Variants in HDHD2 observed in about 807,000 individuals in gnomAD.
The protein encoded by HDHD2 is haloacid dehalogenase-like hydrolase domain-containing protein 2.
Under a neutral mutation model 24.8 loss-of-function variants are expected in HDHD2, and 26 were observed. The observed-to-expected ratio is 1.05, with a 90% CI of 0.77 to 1.45. HDHD2 has a LOEUF of 1.45. Ranked by LOEUF, HDHD2 falls within the 40% of genes most tolerant of loss-of-function variation. The probability of loss-of-function intolerance (pLI) is 0.00; values close to 1 mark genes in which losing one functional copy is unlikely to be tolerated. For missense variants in HDHD2, 299 were observed against 313.4 expected (o/e 0.95, Z 0.35); for synonymous variants, 128 against 114.9 (o/e 1.11, Z -0.73).
intron 4 of HDHD2, among the ~76,000 whole-genome samples, chr18:47,119,351 G>A (rs1481168032): frequency 2.0e-5 from 3 of 152,216 alleles, no homozygotes; most frequent in Admixed American, 6.5e-5. Context: ...CCCTTCTGCT[G>A]CTTTATCAGT....
chr18:47,136,507 A>G, intron 1 of HDHD2, 58 bp from the exon 2 acceptor site: 1 of 1,399,218 alleles, frequency 7.1e-7, no homozygotes, highest in Non-Finnish European at 9.9e-7. Flanking sequence ...ACAATTAAAA[A>G]CTGGTAAGTA....
At chr18:47,128,346 T>C (rs754556253) in intron 4 of HDHD2, among the ~76,000 whole-genome samples, 15 of 152,228 alleles carry the variant, frequency 9.9e-5, no homozygotes, top group South Asian at 2.1e-4. Context: ...ATCTTCTCCT[T>C]GAATTCTGTG....
intron 4 of HDHD2, among the ~76,000 whole-genome samples, chr18:47,121,839 C>T (rs1396914020): frequency 6.6e-6 from 1 of 152,188 alleles, no homozygotes; most frequent in Non-Finnish European, 1.5e-5. Context: ...TATGGTGCCC[C>T]CTCCTCCTGA....
chr18:47,110,008 C>T, intron 6 of HDHD2: 3 of 985,382 alleles, frequency 3.0e-6, no homozygotes, highest in Non-Finnish European at 3.6e-6. Flanking sequence ...GCAGCTCCTG[C>T]CCTGTAGCCA....
At chr18:47,144,389 T>C (rs919686773) in intron 1 of HDHD2, among the ~76,000 whole-genome samples, 1 of 152,154 alleles carries the variant, frequency 6.6e-6, no homozygotes, top group African/African-American at 2.4e-5. Context: ...CTCAGTTGAC[T>C]ACAAGAAAAT....
intron 4 of HDHD2, among the ~76,000 whole-genome samples, chr18:47,127,641 T>C (rs2063671730): frequency 6.6e-6 from 1 of 150,906 alleles, no homozygotes. Flanking sequence ...TTGGGTTTTT[T>C]TGTTTTTCGA....
At chr18:47,134,358 G>A (rs1413988306) in intron 3 of HDHD2, 138 bp downstream of exon 3, 1 of 695,276 alleles carries the variant, frequency 1.4e-6, no homozygotes, top group Admixed American at 2.9e-5. Context: ...TGCCAATTTA[G>A]ATTCAAAATA....
chr18:47,136,641 G>A (rs966280910), intron 1 of HDHD2, among the ~76,000 whole-genome samples, 192 bp from the exon 2 acceptor site: 1 of 145,098 alleles, frequency 6.9e-6, no homozygotes, highest in African/African-American at 2.6e-5. Flanking sequence ...ACAATACTTA[G>A]GTTTTTTTTT....
intron 6 of HDHD2, chr18:47,110,319 T>A: frequency 2.0e-6 from 2 of 985,218 alleles, no homozygotes; most frequent in Non-Finnish European, 2.4e-6. Context: ...AATATATACC[T>A]CACTCTCGTT....
intron 1 of HDHD2, among the ~76,000 whole-genome samples, chr18:47,148,680 C>A (rs2063898531): frequency 6.6e-6 from 1 of 152,202 alleles, no homozygotes. Context: ...AATCCAGACA[C>A]CAAATTATGT....
chr18:47,125,690 A>G (rs1268344653), intron 4 of HDHD2, among the ~76,000 whole-genome samples: 1 of 152,234 alleles, frequency 6.6e-6, no homozygotes, highest in African/African-American at 2.4e-5. Context: ...AGAAATGGCA[A>G]TAATTATAGA....
intron 6 of HDHD2, 64 bp downstream of exon 6, chr18:47,112,913 T>G (rs1190947107): frequency 1.5e-6 from 2 of 1,356,050 alleles, no homozygotes; most frequent in Admixed American, 3.4e-5. Context: ...CAAAGATTGT[T>G]CTTTAAGCAA....
At position 47,108,311 on chromosome 18, in the gene HDHD2, C is replaced by T. The variant is rs1359362484; in HGVS notation, c.*371G>A. 1.7e-5 allele frequency: 3 copies of T among 172,662 alleles called. No homozygotes were observed. The highest frequency in any genetic ancestry group is 4.0e-4 in the South Asian group (2 of 5,060). 10.7% of individuals were successfully genotyped at this position (172,662 alleles called of 1,614,324 possible). ...ACTTTATAATTTAAAAACCACCATT[C>T]AACTTTCTTCACAGTCTGAAATCCC... is the stretch of plus-strand genomic sequence containing the variant. On this transcript the variant is annotated 3_prime_UTR_variant, in exon 7 of 7. Transcript: ENST00000300605.
chr18:47,123,836 C>T (rs973631061), intron 4 of HDHD2, among the ~76,000 whole-genome samples: 3 of 152,194 alleles, frequency 2.0e-5, no homozygotes, highest in African/African-American at 7.2e-5. Context: ...ATCAAACTCC[C>T]AGCAGGCTTT....
At chr18:47,130,533 AAG>A (rs2063704132) in intron 3 of HDHD2, among the ~76,000 whole-genome samples, 1 of 152,194 alleles carries the variant, frequency 6.6e-6, no homozygotes, top group South Asian at 2.1e-4. Context: ...GGGAGGGAAA[AAG>A]AGAGAAAATC....
intron 1 of HDHD2, among the ~76,000 whole-genome samples, chr18:47,144,929 G>A (rs1428484101): frequency 2.0e-5 from 3 of 151,836 alleles, no homozygotes. Context: ...ACAAACAACA[G>A]ACTGCATAAG....
Position 47,107,593 on chromosome 18 carries a change from C to T in HDHD2, c.*1089G>A, listed in dbSNP as rs2063485177. 6.6e-6 allele frequency: 1 copy of T among 152,306 alleles called. No homozygotes were observed. Among genetic ancestry groups the T allele is most frequent in the Admixed American group, 6.6e-5 (1 of 15,260 alleles). 9.4% of individuals were successfully genotyped at this position (152,306 alleles called of 1,614,324 possible). A position where few individuals can be genotyped will look rare whatever the true frequency, so the allele number is the denominator to read the frequency against. On this transcript the variant is annotated 3_prime_UTR_variant, in exon 7 of 7. Transcript: ENST00000300605. ...GAGCCCTGTAGAACTATTGCAAGGC[C>T]CAGGATTATCACAGTATGCAAATGC...
In HDHD2 at chr18:47,140,145, G is replaced by A. The variant is rs151236310; in HGVS notation, c.-10-3696C>T. Among the ~76,000 whole-genome samples the A allele has an allele frequency of 8.9e-3, 1,352 of 152,108 alleles. 11 individuals carry two copies. The highest frequency in any genetic ancestry group is 0.013 in the Non-Finnish European group (909 of 67,976). On this transcript the variant is annotated intron_variant, in intron 1 of 6. Transcript: ENST00000300605. Reference sequence around the variant, plus strand: ...ATGTACACATTCTTTCACAATTTTCGTGATTTATTTTGCTCAACATTGTAT... The same window carrying A: ...ATGTACACATTCTTTCACAATTTTCATGATTTATTTTGCTCAACATTGTAT...
At chr18:47,119,483 T>C (rs2063585840) in intron 4 of HDHD2, among the ~76,000 whole-genome samples, 1 of 152,240 alleles carries the variant, frequency 6.6e-6, no homozygotes, top group Non-Finnish European at 1.5e-5. Context: ...AAGCAACTTC[T>C]CATCCATTCA....
Sources: allele counts gnomAD v4.1 joint callset (sites outside exome capture counted in the v4.1 genomes callset), GRCh38; gene constraint gnomAD v4.1.1; transcripts MANE v1.5; gene names NCBI Gene and HGNC (gene_info 2026-07-23, HGNC 2026-07-21).